The following UTS2 variants were observed in gnomAD, a reference collection of about 807,000 sequenced individuals.
UTS2 encodes urotensin 2, also known as urotensin-2.
UTS2 carries 10 observed loss-of-function variants against 12.6 expected under a neutral mutation model. The ratio of observed to expected loss-of-function variants is 0.80; its 90% CI spans 0.49 to 1.35. The LOEUF (loss-of-function observed/expected upper bound fraction) is 1.35. UTS2 is among the 40% of genes most tolerant of loss of function. The pLI, the probability that UTS2 is intolerant of heterozygous loss-of-function variation, is 0.00. For missense variants in UTS2, 142 were observed against 143.2 expected, an observed-to-expected ratio of 0.99 and a Z score of 0.04; for synonymous variants, 52 against 50.0, an observed-to-expected ratio of 1.04 and a Z score of -0.17.
At chr1:7,890,967 A>AACCCCCC in the UTS2 span, among the ~76,000 whole-genome samples, 2 of 135,782 alleles carry the variant, frequency 1.5e-5, no homozygotes, top group African/African-American at 2.7e-5. Context: ...GATACCCTCC[A>AACCCCCC]CCCCCCCCCA....
chr1:7,900,501 G>A, the UTS2 span, among the ~76,000 whole-genome samples: 2 of 152,222 alleles, frequency 1.3e-5, no homozygotes, highest in African/African-American at 2.4e-5. Flanking sequence ...TTTTGGCCAG[G>A]TGTGGTGGCT....
chr1:7,858,100 G>A (rs978024025), upstream of UTS2, among the ~76,000 whole-genome samples: 16 of 152,148 alleles, frequency 1.1e-4, no homozygotes, highest in Non-Finnish European at 1.8e-4. Flanking sequence ...TGGTGACTCA[G>A]GGGGTACTTC....
the UTS2 span, among the ~76,000 whole-genome samples, chr1:7,874,767 A>C: frequency 0.64 from 97,648 of 152,168 alleles, 31,573 homozygotes; most frequent in East Asian, 0.74. Context: ...CCCACGTGTC[A>C]GGGGAGGGAC....
At chr1:7,852,010 A>G (rs541730440) in intron 1 of UTS2, among the ~76,000 whole-genome samples, 3 of 152,144 alleles carry the variant, frequency 2.0e-5, no homozygotes, top group African/African-American at 7.2e-5. Flanking sequence ...TATTAGTAGG[A>G]CAGCCAATGA....
At chr1:7,860,987 A>G in the UTS2 span, among the ~76,000 whole-genome samples, 1 of 148,052 alleles carries the variant, frequency 6.8e-6, no homozygotes, top group African/African-American at 2.5e-5. Flanking sequence ...AGTTGCACTG[A>G]GCCGAGATCA....
chr1:7,864,099 AGGGCT>A, the UTS2 span, among the ~76,000 whole-genome samples: 1 of 152,246 alleles, frequency 6.6e-6, no homozygotes, highest in Non-Finnish European at 1.5e-5. Context: ...CCTGGATTCA[AGGGCT>A]GGTGTGTGTG....
chr1:7,888,336 T>C, the UTS2 span, among the ~76,000 whole-genome samples: 14 of 152,140 alleles, frequency 9.2e-5, no homozygotes, highest in African/African-American at 3.1e-4. Flanking sequence ...CTCCTCCCCA[T>C]CCCTCAGACT....
At chr1:7,863,070 A>AC in the UTS2 span, among the ~76,000 whole-genome samples, 1 of 102,396 alleles carries the variant, frequency 9.8e-6, no homozygotes, top group African/African-American at 3.7e-5. Flanking sequence ...ATTGTATTGT[A>AC]TTGTATTGTA....
chr1:7,890,720 C>T, the UTS2 span, among the ~76,000 whole-genome samples: 3 of 105,468 alleles, frequency 2.8e-5, no homozygotes, highest in Non-Finnish European at 5.5e-5. Context: ...AGTGAGACCC[C>T]ATCTCCACAA....
chr1:7,855,843 C>T (rs575921997), upstream of UTS2, among the ~76,000 whole-genome samples: 1 of 151,778 alleles, frequency 6.6e-6, no homozygotes, highest in South Asian at 2.1e-4. Flanking sequence ...GAACCACAGG[C>T]ACATGCCACC....
At chr1:7,903,510 C>T in the UTS2 span, among the ~76,000 whole-genome samples, 2 of 151,982 alleles carry the variant, frequency 1.3e-5, no homozygotes, top group African/African-American at 2.4e-5. Flanking sequence ...CCCCAACCTC[C>T]GGAGTAGTAG....
At chr1:7,847,946 T>G in intron 3 of UTS2, 64 bp from the exon 4 acceptor site, 1 of 1,177,688 alleles carries the variant, frequency 8.5e-7, no homozygotes, top group South Asian at 1.3e-5. Flanking sequence ...CGAGTGACGA[T>G]TCCTATAAGA....
At chr1:7,911,449 C>T in the UTS2 span, among the ~76,000 whole-genome samples, 5 of 152,074 alleles carry the variant, frequency 3.3e-5, no homozygotes, top group African/African-American at 1.2e-4. Flanking sequence ...AACAGCCCCA[C>T]GTAATTTTAC....
At chr1:7,859,126 G>A in the UTS2 span, among the ~76,000 whole-genome samples, 1 of 152,136 alleles carries the variant, frequency 6.6e-6, no homozygotes, top group Non-Finnish European at 1.5e-5. Context: ...TGAAACCAGG[G>A]CAGCTCATAT....
the UTS2 span, among the ~76,000 whole-genome samples, chr1:7,886,988 C>T: frequency 7.7e-6 from 1 of 129,312 alleles, no homozygotes; most frequent in South Asian, 2.4e-4. Context: ...TTGCAGTGAG[C>T]CAAGATCACG....
At position 7,850,906 on chromosome 1, in the gene UTS2, C is replaced by T. The variant is rs759501467; in HGVS notation, c.120G>A (p.Ala40=). 48 of 1,613,998 alleles carry T rather than the reference C, an allele frequency of 3.0e-5. No homozygotes were observed. The Admixed American group carries it at 3.0e-4, about 10-fold the overall frequency. Residue 40 remains alanine, a synonymous_variant, in exon 2 of 4, where the codon GCG becomes GCA. Transcript: ENST00000361696. The part of the protein sequence containing the change: ...SFQLSAPHED[A]RLTPEELERA... Reference sequence around the variant, plus strand: ...TTTCTAGCTCCTCCGGAGTTAAGCGCGCGTCTTCATGAGGTGCTACAGAGT... The same window carrying T: ...TTTCTAGCTCCTCCGGAGTTAAGCGTGCGTCTTCATGAGGTGCTACAGAGT...
the UTS2 span, among the ~76,000 whole-genome samples, chr1:7,913,138 C>G: frequency 6.6e-6 from 1 of 152,054 alleles, no homozygotes; most frequent in Admixed American, 6.6e-5. Context: ...CCTCGGAACT[C>G]CCTCCCACCA....
At chr1:7,875,513 C>T in the UTS2 span, among the ~76,000 whole-genome samples, 8 of 152,136 alleles carry the variant, frequency 5.3e-5, no homozygotes, top group African/African-American at 1.9e-4. Context: ...ACTGCCACCA[C>T]CATCTCCACA....
the UTS2 span, among the ~76,000 whole-genome samples, chr1:7,911,388 C>T: frequency 1.3e-5 from 2 of 151,794 alleles, no homozygotes; most frequent in Non-Finnish European, 2.9e-5. Flanking sequence ...TTACTGGGTG[C>T]TTGATTTGTG....
Sources: allele counts gnomAD v4.1 joint callset (sites outside exome capture counted in the v4.1 genomes callset), GRCh38; gene constraint gnomAD v4.1.1; transcripts MANE v1.5; gene names NCBI Gene and HGNC (gene_info 2026-07-23, HGNC 2026-07-21).